Variants in PAK2 observed in about 807,000 individuals in gnomAD.
The protein encoded by PAK2 is serine/threonine-protein kinase PAK 2.
PAK2 carries 21 observed loss-of-function variants against 65.9 expected under a neutral mutation model. The ratio of observed to expected loss-of-function variants is 0.32; its 90% CI spans 0.23 to 0.46. The LOEUF is 0.46. PAK2 is among the 20% of genes least tolerant of loss of function. The pLI is 1.00. For missense variants in PAK2, 324 were observed against 642.6 expected, an observed-to-expected ratio of 0.50 and a Z score of 5.36; for synonymous variants, 204 against 219.7, an observed-to-expected ratio of 0.93 and a Z score of 0.63.
chr3:196,811,228 C>CCTTCCCTCCCTT (rs1715786167), intron 8 of PAK2, among the ~76,000 whole-genome samples: 2 of 11,662 alleles, frequency 1.7e-4, no homozygotes, highest in African/African-American at 7.6e-4. Flanking sequence ...TCCCTCCCTT[C>CCTTCCCTCCCTT]CCTTCCCTTC....
chr3:196,763,029 TAAG>T (rs973806941), intron 1 of PAK2, among the ~76,000 whole-genome samples: 5 of 152,124 alleles, frequency 3.3e-5, no homozygotes, highest in Admixed American at 3.3e-4. Flanking sequence ...ATAGCAAAAG[TAAG>T]AAGCAGCTAC....
chr3:196,742,010 A>C (rs976489559), intron 1 of PAK2, among the ~76,000 whole-genome samples: 2 of 152,086 alleles, frequency 1.3e-5, no homozygotes. Context: ...TTCAAAATTA[A>C]GTTTATAGTT....
intron 1 of PAK2, among the ~76,000 whole-genome samples, chr3:196,742,651 A>C (rs1366271485): frequency 1.3e-5 from 2 of 152,130 alleles, no homozygotes; most frequent in South Asian, 2.1e-4. Flanking sequence ...GCGGTGGCTC[A>C]CGCCTGTAAT....
intron 1 of PAK2, among the ~76,000 whole-genome samples, chr3:196,755,864 T>G (rs1713751497): frequency 6.6e-6 from 1 of 152,150 alleles, no homozygotes; most frequent in Admixed American, 6.5e-5. Context: ...CAGGCGATTC[T>G]GCTGCCTCAG....
At chr3:196,754,596 C>T (rs532694231) in intron 1 of PAK2, among the ~76,000 whole-genome samples, 1 of 152,292 alleles carries the variant, frequency 6.6e-6, no homozygotes, top group South Asian at 2.1e-4. Flanking sequence ...TCATTTCTAG[C>T]ATGTGCTGCT....
In PAK2 at chr3:196,767,719, C is replaced by T. The variant is rs138034529; in HGVS notation, c.-21-14907C>T. Among the ~76,000 whole-genome samples the T allele has an allele frequency of 4.4e-3, 665 of 152,222 alleles. 9 individuals are homozygous for T. Among genetic ancestry groups the T allele is most frequent in the African/African-American group, 0.015 (632 of 41,462 alleles). ...TCATGTTAGCCAGGATGGTCTCGAT[C>T]TCCTGACCTCGTGATCCGCCCGCTT... On this transcript the variant is annotated intron_variant, in intron 1 of 14. Coordinates refer to ENST00000327134, the MANE Select transcript of PAK2 (RefSeq NM_002577.4).
intron 2 of PAK2, among the ~76,000 whole-genome samples, chr3:196,794,058 G>C (rs1225242528): frequency 1.3e-5 from 2 of 152,162 alleles, no homozygotes; most frequent in Non-Finnish European, 2.9e-5. Flanking sequence ...TTGAACCTGG[G>C]AGGCGGAGGT....
At chr3:196,751,853 C>T (rs780072178) in intron 1 of PAK2, among the ~76,000 whole-genome samples, 34 of 149,034 alleles carry the variant, frequency 2.3e-4, no homozygotes, top group African/African-American at 7.5e-5. Context: ...AGTGATTCTC[C>T]TGCCTCAGTC....
At chr3:196,745,849 AT>A (rs1409401788) in intron 1 of PAK2, among the ~76,000 whole-genome samples, 18 of 151,098 alleles carry the variant, frequency 1.2e-4, no homozygotes, top group African/African-American at 4.4e-4. Flanking sequence ...TAGTAACTAG[AT>A]TTTTCTGTTC....
chr3:196,765,246 C>T (rs2108724774), intron 1 of PAK2, among the ~76,000 whole-genome samples: 1 of 148,566 alleles, frequency 6.7e-6, no homozygotes, highest in East Asian at 2.1e-4. Context: ...CTCCCGAGTT[C>T]AAGCGATTCT....
At chr3:196,785,199 A>G (rs1053807156) in intron 2 of PAK2, 4 of 152,224 alleles carry the variant, frequency 2.6e-5, no homozygotes, top group Non-Finnish European at 5.9e-5. Context: ...ATGCGCTAGA[A>G]TAATATAATC....
chr3:196,772,671 AGT>A (rs1293982229), intron 1 of PAK2, among the ~76,000 whole-genome samples: 2 of 151,824 alleles, frequency 1.3e-5, no homozygotes, highest in Non-Finnish European at 2.9e-5. Flanking sequence ...TTCTGTTTAG[AGT>A]GTGTGTTGTC....
intron 6 of PAK2, among the ~76,000 whole-genome samples, chr3:196,807,265 C>T (rs1205227477): frequency 2.6e-5 from 4 of 152,106 alleles, no homozygotes; most frequent in Admixed American, 6.6e-5. Context: ...CCTGGCACAG[C>T]GGGCAGGCAG....
At chr3:196,756,326 C>T (rs1246420624) in intron 1 of PAK2, among the ~76,000 whole-genome samples, 1 of 152,120 alleles carries the variant, frequency 6.6e-6, no homozygotes, top group African/African-American at 2.4e-5. Context: ...TGACAAATTC[C>T]TTTTCATCCT....
At chr3:196,769,548 ACGC>A (rs1294995147) in intron 1 of PAK2, among the ~76,000 whole-genome samples, 1 of 151,754 alleles carries the variant, frequency 6.6e-6, no homozygotes, top group Non-Finnish European at 1.5e-5. Flanking sequence ...GTGGTGGCTC[ACGC>A]CTGTAATCCC....
intron 11 of PAK2, among the ~76,000 whole-genome samples, chr3:196,815,832 G>C (rs934326109): frequency 6.6e-6 from 1 of 151,656 alleles, no homozygotes; most frequent in Admixed American, 6.6e-5. Flanking sequence ...GTGGAAACTA[G>C]AACTATCTCA....
At position 196,820,282 on chromosome 3, in the gene PAK2, A is replaced by G. The variant is rs1577749495; in HGVS notation, c.1154-89A>G. Reference sequence around the variant, plus strand: ...TTTAAAAACAAGAGGCCTAATAGTCAAAATATAATTAATTACATAATCTGA... The same window carrying G: ...TTTAAAAACAAGAGGCCTAATAGTCGAAATATAATTAATTACATAATCTGA... On this transcript the variant is annotated intron_variant, in intron 12 of 14. Transcript: ENST00000327134. The surrounding 1 kb of genome is among the most constrained non-coding windows in gnomAD (Gnocchi z 4.6). 3.0e-6 allele frequency: 2 copies of G among 665,158 alleles called. No homozygotes were observed. Among genetic ancestry groups the G allele is most frequent in the Non-Finnish European group, 4.7e-6 (2 of 422,856 alleles). The allele number at this position is 665,158 out of a possible 1,614,324, so 41.2% of individuals were successfully genotyped here.
chr3:196,807,801 T>C lies in PAK2; in HGVS notation c.596T>C (p.Ile199Thr), dbSNP rs764779413. 10 of 1,607,014 alleles carry C rather than the reference T, an allele frequency of 6.2e-6. No homozygotes were observed. Among genetic ancestry groups the C allele is most frequent in the South Asian group, 4.4e-5 (4 of 90,812 alleles). Reference protein sequence around the residue: ...HTKSIYTRSVIDPVPAPVGDS... With the variant: ...HTKSIYTRSVTDPVPAPVGDS... The stretch of plus-strand genomic sequence containing the variant: ...CCACAGATTTACACACGGTCTGTAA[T>C]TGACCCTGTTCCTGCACCAGTTGGT... The change falls in exon 7 of 15, where the codon ATT (isoleucine) becomes ACT (threonine). Residue 199 changes from isoleucine (I) to threonine (T), a missense_variant. By Grantham distance (89) the Ile-to-Thr change is moderately conservative. Around this residue, in one of 5 missense-constraint regions of PAK2, gnomAD observed 183 missense variants for 246.2 expected, o/e 0.74. Transcript: ENST00000327134.
intron 6 of PAK2, among the ~76,000 whole-genome samples, chr3:196,807,006 C>CT (rs947947088): frequency 8.5e-5 from 13 of 152,266 alleles, no homozygotes; most frequent in African/African-American, 3.1e-4. Flanking sequence ...ACGACTAAAT[C>CT]TAAAACTTAG....
Sources: gnomAD v4.1 joint callset for allele counts (sites outside exome capture counted in the v4.1 genomes callset) on GRCh38, gnomAD v4.1.1 for gene constraint, gnomAD v4.1.1 regional missense constraint, Gnocchi (gnomAD v3.1) non-coding constraint, MANE v1.5 for transcripts, NCBI Gene and HGNC (gene_info 2026-07-23, HGNC 2026-07-21) for gene names.